Variants in MED13L observed in about 807,000 individuals in gnomAD.
MED13L encodes mediator of RNA polymerase II transcription subunit 13-like.
In MED13L, 7 loss-of-function variants were observed where a neutral mutation model predicts 220.9. The observed-to-expected ratio is 0.03, with a 90% CI of 0.02 to 0.06. The LOEUF (loss-of-function observed/expected upper bound fraction) is 0.06, where lower values mean the gene tolerates loss of function less well. Ranked by LOEUF, MED13L falls within the 10% of genes least tolerant of loss-of-function variation. The pLI is 1.00. For missense variants in MED13L, 1,965 were observed against 2,760.5 expected (o/e 0.71, Z 6.46); for synonymous variants, 1,011 against 1,015.2 (o/e 1.00, Z 0.08).
In MED13L at chr12:116,170,664, G is replaced by A. The variant is rs868713182; in HGVS notation, c.311-59152C>T. ...TGCCCAGGCTAGGGTACAGTGGTGC[G>A]ATCTTGGCTCACTGCAACCTCCACG... On this transcript the variant is annotated intron_variant, in intron 2 of 30. Transcript: ENST00000281928. Among the ~76,000 whole-genome samples, 11 of 147,702 alleles carry A rather than the reference G, an allele frequency of 7.4e-5. No homozygotes were observed. In the South Asian group the frequency reaches 8.5e-4, roughly 11 times the overall value.
At chr12:116,072,703 C>T (rs1488219402) in intron 4 of MED13L, among the ~76,000 whole-genome samples, 1 of 152,154 alleles carries the variant, frequency 6.6e-6, no homozygotes, top group Non-Finnish European at 1.5e-5. Context: ...CGTGCCAGGC[C>T]CACAGTTCAC....
At chr12:116,218,062 T>C (rs1883106130) in intron 2 of MED13L, among the ~76,000 whole-genome samples, 1 of 152,166 alleles carries the variant, frequency 6.6e-6, no homozygotes, top group African/African-American at 2.4e-5. Context: ...CCTCCAAGTA[T>C]AAGAGATTCG....
chr12:116,172,927 C>CAAAAAAA (rs560335454), intron 2 of MED13L, among the ~76,000 whole-genome samples: 4 of 60,012 alleles, frequency 6.7e-5, no homozygotes, highest in African/African-American at 1.4e-4. Flanking sequence ...CCATTTAAGA[C>CAAAAAAA]AAAAAAAAAA....
At chr12:116,272,284 C>T (rs960257284) in intron 1 of MED13L, among the ~76,000 whole-genome samples, 4 of 152,068 alleles carry the variant, frequency 2.6e-5, no homozygotes, top group Non-Finnish European at 5.9e-5. Context: ...CCAGGCTGGC[C>T]GGGCGCAGTG....
intron 2 of MED13L, among the ~76,000 whole-genome samples, chr12:116,190,820 AGTGG>A (rs1221866161): frequency 6.6e-6 from 1 of 152,148 alleles, no homozygotes; most frequent in Admixed American, 6.5e-5. Context: ...GGCTGCACAC[AGTGG>A]CTCATACCTG....
rs956236456 is a variant in MED13L, at chr12:116,277,237, G to GGCC, written c.-109_-107dup. ...CTCGCCGGGGAGCGCGGGGCGGCCG[G>GGCC]GCCGCCGCCGCCGCCGGGGGAGGGC... On this transcript the variant is annotated 5_prime_UTR_variant, in exon 1 of 31. Transcript: ENST00000281928. The GGCC allele has an allele frequency of 2.1e-4, 106 of 496,366 alleles. 1 individual carries two copies. Among genetic ancestry groups the GGCC allele is most frequent in the Middle Eastern group, 2.1e-3 (2 of 954 alleles). 30.7% of individuals were successfully genotyped at this position (496,366 alleles called of 1,614,324 possible). A position where few individuals can be genotyped will look rare whatever the true frequency, so the allele number is the denominator to read the frequency against.
chr12:116,241,622 G>C (rs1455885551), intron 1 of MED13L, among the ~76,000 whole-genome samples: 2 of 152,260 alleles, frequency 1.3e-5, no homozygotes, highest in African/African-American at 4.8e-5. Context: ...CAGTGGCAAA[G>C]GGAAGCTGCT....
Position 115,972,081 on chromosome 12 carries a change from G to T in MED13L, c.5887C>A (p.Pro1963Thr). 1 of 1,613,728 alleles carries T rather than the reference G, an allele frequency of 6.2e-7. No individual in the cohort carries two copies. The highest frequency in any genetic ancestry group is 8.5e-7 in the Non-Finnish European group (1 of 1,179,840). ...ACAATGACAAGAAGAAATTTACCTG[G>T]CATCACTACAAAGGACCCCTGGGGC... is the stretch of plus-strand genomic sequence containing the variant. ...MEPQGSFVVM[P>T]DAVTMGSVFG... is the part of the protein sequence containing the mutation. The change falls in exon 26 of 31, where the codon CCA (proline) becomes ACA (threonine). Residue 1963 changes from proline (P) to threonine (T), a missense_variant. Coordinates refer to ENST00000281928, the MANE Select transcript of MED13L (RefSeq NM_015335.5).
chr12:116,232,857 C>T (rs1373288214), intron 2 of MED13L, among the ~76,000 whole-genome samples: 2 of 152,102 alleles, frequency 1.3e-5, no homozygotes, highest in Non-Finnish European at 2.9e-5. Flanking sequence ...GAGGCCGAGG[C>T]GGGCGGATCG....
At chr12:116,220,614 A>G (rs1287717563) in intron 2 of MED13L, among the ~76,000 whole-genome samples, 2 of 151,998 alleles carry the variant, frequency 1.3e-5, no homozygotes, top group African/African-American at 4.8e-5. Context: ...CAGGAGAACC[A>G]CTTGATCCCG....
At chr12:116,240,595 C>T (rs981371016) in intron 1 of MED13L, among the ~76,000 whole-genome samples, 6 of 150,888 alleles carry the variant, frequency 4.0e-5, no homozygotes, top group African/African-American at 7.3e-5. Flanking sequence ...TGCAGTGGCG[C>T]GATCTCGGCT....
At chr12:116,234,838 T>C (rs1349540737) in intron 2 of MED13L, among the ~76,000 whole-genome samples, 1 of 151,764 alleles carries the variant, frequency 6.6e-6, no homozygotes, top group Non-Finnish European at 1.5e-5. Context: ...TTTTTTTTTA[T>C]TTTTTGTAAA....
Position 116,277,162 on chromosome 12 carries a change from G to A in MED13L, c.-31C>T, listed in dbSNP as rs1873936296. 1.3e-6 allele frequency: 2 copies of A among 1,532,792 alleles called. No homozygotes were observed. Among genetic ancestry groups the A allele is most frequent in the Admixed American group, 4.0e-5 (2 of 50,578 alleles). 94.9% of individuals were successfully genotyped at this position (1,532,792 alleles called of 1,614,324 possible). The stretch of plus-strand genomic sequence containing the variant: ...TCCGCGAGCCCGGCCGCCAGAGCGG[G>A]GCATGTCGGAGCGAGGCGTCCGAGG... On this transcript the variant is annotated 5_prime_UTR_variant, in exon 1 of 31. Coordinates refer to ENST00000281928, the MANE Select transcript of MED13L (RefSeq NM_015335.5).
intron 25 of MED13L, among the ~76,000 whole-genome samples, chr12:115,973,362 AG>A (rs1359656609): frequency 2.0e-5 from 3 of 152,226 alleles, no homozygotes; most frequent in African/African-American, 7.2e-5. Flanking sequence ...CCTCAAAGGA[AG>A]GAGCTGTAGA....
chr12:116,213,786 C>A (rs1305361098), intron 2 of MED13L, among the ~76,000 whole-genome samples: 1 of 152,194 alleles, frequency 6.6e-6, no homozygotes, highest in African/African-American at 2.4e-5. Flanking sequence ...AATTTACCTA[C>A]ACATACTGAT....
At chr12:116,217,236 A>G (rs191207628) in intron 2 of MED13L, among the ~76,000 whole-genome samples, 22 of 152,316 alleles carry the variant, frequency 1.4e-4, no homozygotes, top group Non-Finnish European at 2.9e-5. Context: ...ATAACAACCT[A>G]TTAGGGAATG....
chr12:116,047,045 C>T (rs1881880317), intron 4 of MED13L, among the ~76,000 whole-genome samples: 1 of 152,110 alleles, frequency 6.6e-6, no homozygotes, highest in Admixed American at 6.5e-5. Context: ...CCAAGTTAGG[C>T]ATCTCACAGG....
At chr12:116,230,366 C>T (rs750828307) in intron 2 of MED13L, 13 of 553,672 alleles carry the variant, frequency 2.3e-5, no homozygotes, top group Non-Finnish European at 3.0e-5. Flanking sequence ...CACCACTGCA[C>T]TCCAGCCTGG....
chr12:116,052,265 C>A (rs770641432), intron 4 of MED13L, among the ~76,000 whole-genome samples: 6 of 152,046 alleles, frequency 3.9e-5, no homozygotes, highest in Non-Finnish European at 8.8e-5. Context: ...ACCTTACACA[C>A]AGGATAGAGA....
Sources: gnomAD v4.1 joint callset for allele counts (sites outside exome capture counted in the v4.1 genomes callset) on GRCh38, gnomAD v4.1.1 for gene constraint, MANE v1.5 for transcripts, NCBI Gene and HGNC (gene_info 2026-07-23, HGNC 2026-07-21) for gene names.